The following CDH4 variants were observed in gnomAD, a reference collection of about 807,000 sequenced individuals.
CDH4 encodes the protein cadherin-4.
CDH4 carries 33 observed loss-of-function variants against 86.0 expected under a neutral mutation model. The ratio of observed to expected loss-of-function variants is 0.38; its 90% CI spans 0.29 to 0.51. The LOEUF (loss-of-function observed/expected upper bound fraction) is 0.51, where lower values mean the gene tolerates loss of function less well. Among genes scored for constraint, CDH4 ranks in the 20% least tolerant of loss-of-function variants. CDH4 has a pLI of 0.86. For missense variants in CDH4, 1,114 were observed against 1,307.4 expected (o/e 0.85, Z 2.28); for synonymous variants, 555 against 549.4 (o/e 1.01, Z -0.14).
intron 2 of CDH4, among the ~76,000 whole-genome samples, chr20:61,608,690 G>A (rs1202111110): frequency 6.6e-6 from 1 of 152,192 alleles, no homozygotes; most frequent in African/African-American, 2.4e-5. Flanking sequence ...GTGCTCTCCT[G>A]GTCACTGGCC....
rs556222928 is a variant in CDH4 at position 61,722,106 on chromosome 20, C to T, written c.170-21457C>T. 8.5e-5 allele frequency among the ~76,000 whole-genome samples: 13 copies of T among 152,306 alleles called. 1 individual carries two copies. Among genetic ancestry groups the T allele is most frequent in the Middle Eastern group, 3.4e-3 (1 of 294 alleles). ...AAGCCTTTGCAGAGAAACATACAGA[C>T]AAGCACGCCCCAGGCCAAGAAGAAA... On this transcript the variant is annotated intron_variant, in intron 2 of 15. Transcript: ENST00000614565.
At chr20:61,770,861 C>A (rs1164373588) in intron 3 of CDH4, among the ~76,000 whole-genome samples, 1 of 133,646 alleles carries the variant, frequency 7.5e-6, no homozygotes, top group Non-Finnish European at 1.5e-5. Context: ...CCAGCCTGGG[C>A]GACAGAGCGA....
At chr20:61,806,581 A>ACG (rs1980146336) in intron 4 of CDH4, among the ~76,000 whole-genome samples, 1 of 151,820 alleles carries the variant, frequency 6.6e-6, no homozygotes, top group South Asian at 2.1e-4. Context: ...GCACGCACAC[A>ACG]CACATGCAGT....
chr20:61,594,991 A>G (rs1386412807), intron 2 of CDH4, among the ~76,000 whole-genome samples: 3 of 152,178 alleles, frequency 2.0e-5, no homozygotes, highest in Non-Finnish European at 4.4e-5. Context: ...AGCGCTGGCC[A>G]TGCACTGAGG....
chr20:61,296,447 C>T (rs1484339293), intron 2 of CDH4, among the ~76,000 whole-genome samples: 3 of 151,652 alleles, frequency 2.0e-5, no homozygotes, highest in Non-Finnish European at 4.4e-5. Flanking sequence ...GCCTGCCTGA[C>T]CCTGGATCTC....
At chr20:61,880,788 G>T (rs890651513) in intron 7 of CDH4, among the ~76,000 whole-genome samples, 2 of 152,348 alleles carry the variant, frequency 1.3e-5, no homozygotes, top group South Asian at 4.1e-4. Context: ...TGCTCTGAAG[G>T]TTGGGCCACA....
At chr20:61,487,379 C>T (rs527677597) in intron 2 of CDH4, among the ~76,000 whole-genome samples, 1 of 152,184 alleles carries the variant, frequency 6.6e-6, no homozygotes, top group South Asian at 2.1e-4. Context: ...TTATTGGCCT[C>T]GGCTCACCAT....
chr20:61,477,712 C>T (rs1459444223), intron 2 of CDH4, among the ~76,000 whole-genome samples: 1 of 152,222 alleles, frequency 6.6e-6, no homozygotes, highest in Non-Finnish European at 1.5e-5. Context: ...CTCCTTCCAG[C>T]CCATTGCTCA....
chr20:61,509,646 A>C (rs1600719941), intron 2 of CDH4, among the ~76,000 whole-genome samples: 2 of 151,938 alleles, frequency 1.3e-5, no homozygotes, highest in African/African-American at 4.8e-5. Flanking sequence ...CCCACACTCC[A>C]GGGCTGAAGG....
At chr20:61,315,460 G>C (rs2084471148) in intron 2 of CDH4, among the ~76,000 whole-genome samples, 1 of 152,168 alleles carries the variant, frequency 6.6e-6, no homozygotes, top group African/African-American at 2.4e-5. Context: ...CAGATTTTCA[G>C]CTGTGAAAGC....
At chr20:61,901,834 C>T (rs1051433485) in intron 8 of CDH4, among the ~76,000 whole-genome samples, 5 of 152,172 alleles carry the variant, frequency 3.3e-5, no homozygotes, top group African/African-American at 9.7e-5. Flanking sequence ...AGACCTGCTC[C>T]GTGGGAAGAG....
chr20:61,740,873 G>A (rs1046598567), intron 2 of CDH4: 6 of 152,260 alleles, frequency 3.9e-5, no homozygotes, highest in East Asian at 1.9e-4. Flanking sequence ...GAGCTTTCTC[G>A]TGATTGGACG....
intron 2 of CDH4, among the ~76,000 whole-genome samples, chr20:61,288,927 C>G (rs979276313): frequency 3.9e-5 from 6 of 151,984 alleles, no homozygotes; most frequent in Non-Finnish European, 8.8e-5. Context: ...CTAAAGTAAA[C>G]TGGGGCTTAA....
At chr20:61,665,295 C>T (rs774553741) in intron 2 of CDH4, among the ~76,000 whole-genome samples, 4 of 152,244 alleles carry the variant, frequency 2.6e-5, no homozygotes, top group Admixed American at 6.5e-5. Context: ...CCCTTCAATT[C>T]GGCAGCTGTT....
chr20:61,279,684 C>T (rs562747574), intron 2 of CDH4, among the ~76,000 whole-genome samples: 12 of 152,286 alleles, frequency 7.9e-5, no homozygotes, highest in East Asian at 3.9e-4. Flanking sequence ...TTCCCGGGAA[C>T]GTAGACATGG....
intron 4 of CDH4, among the ~76,000 whole-genome samples, chr20:61,830,841 A>G (rs1376912280): frequency 1.3e-5 from 2 of 152,140 alleles, no homozygotes; most frequent in African/African-American, 2.4e-5. Flanking sequence ...TGAGTCTCGG[A>G]GCTGCAGGAG....
At chr20:61,768,106 A>T (rs1196409381) in intron 3 of CDH4, among the ~76,000 whole-genome samples, 2 of 152,160 alleles carry the variant, frequency 1.3e-5, no homozygotes, top group Admixed American at 1.3e-4. Context: ...AGCTTGAGCT[A>T]AACTGTCAGG....
At chr20:61,792,674 G>C (rs934479823) in intron 4 of CDH4, among the ~76,000 whole-genome samples, 1 of 151,918 alleles carries the variant, frequency 6.6e-6, no homozygotes, top group East Asian at 1.9e-4. Flanking sequence ...TTTTGAGATG[G>C]GGTCTTGCTC....
chr20:61,397,677 C>A (rs938635671), intron 2 of CDH4, among the ~76,000 whole-genome samples: 1 of 143,098 alleles, frequency 7.0e-6, no homozygotes, highest in Non-Finnish European at 1.6e-5. Context: ...GTTTAAACTG[C>A]ACTATAGTTT....
Sources: gnomAD v4.1 joint callset for allele counts (sites outside exome capture counted in the v4.1 genomes callset) on GRCh38, gnomAD v4.1.1 for gene constraint, MANE v1.5 for transcripts, NCBI Gene and HGNC (gene_info 2026-07-23, HGNC 2026-07-21) for gene names.